PCDHA3: variants seen among roughly 807,000 people sequenced by gnomAD.
The protein encoded by PCDHA3 is protocadherin alpha-3.
In PCDHA3, 41 loss-of-function variants were observed where a neutral mutation model predicts 62.2. That is an observed-to-expected ratio of 0.66 (90% CI 0.51 to 0.86). The LOEUF (loss-of-function observed/expected upper bound fraction) is 0.86, where lower values mean the gene tolerates loss of function less well. Among genes scored for constraint, PCDHA3 ranks in the 40% least tolerant of loss-of-function variants. The pLI is 0.00. For synonymous variants in PCDHA3, 640 were observed against 555.4 expected (o/e 1.15, Z -2.14); for missense variants, 1,304 against 1,241.2 (o/e 1.05, Z -0.76).
At position 140,858,352 on chromosome 5, in the gene PCDHA3, G is replaced by T; in HGVS notation, c.2394+54761G>T. On this transcript the variant is annotated intron_variant, in intron 1 of 3. Coordinates refer to ENST00000522353, the MANE Select transcript of PCDHA3 (RefSeq NM_018906.3). ...AGGGCCTGCCCAAGGCGGACCTCATGGCCTTCAGCCCCAGCCTTCCACCAT... is the reference window on the plus strand; with the variant it reads ...AGGGCCTGCCCAAGGCGGACCTCATTGCCTTCAGCCCCAGCCTTCCACCAT... 1.3e-6 allele frequency: 2 copies of T among 1,593,948 alleles called. 1 individual carries two copies. Among genetic ancestry groups the T allele is most frequent in the Non-Finnish European group, 1.7e-6 (2 of 1,165,108 alleles).
chr5:140,829,708 C>G, intron 1 of PCDHA3: 1 of 1,613,376 alleles, frequency 6.2e-7, no homozygotes, highest in South Asian at 1.1e-5. Context: ...GCGCGCGCGA[C>G]GCGGGCGTGC....
chr5:140,857,483 T>G, intron 1 of PCDHA3: 1 of 1,598,450 alleles, frequency 6.3e-7, no homozygotes. Context: ...GGTGTCTGCG[T>G]GGGACGCGGA....
At chr5:140,883,041 G>A (rs2059417348) in intron 1 of PCDHA3, 1 of 1,613,960 alleles carries the variant, frequency 6.2e-7, no homozygotes, top group African/African-American at 1.3e-5. Context: ...GCCTTCAATG[G>A]AACATTAGTG....
intron 1 of PCDHA3, chr5:140,883,465 C>T: frequency 6.2e-7 from 1 of 1,614,156 alleles, no homozygotes; most frequent in South Asian, 1.1e-5. Context: ...AGCTGGTGTC[C>T]ACCTACAAGA....
chr5:140,822,397 C>T (rs113016935), intron 1 of PCDHA3: 2 of 1,613,862 alleles, frequency 1.2e-6, no homozygotes, highest in African/African-American at 2.7e-5. Context: ...ACAAGAACAC[C>T]GTTTATTAGT....
chr5:140,841,274 C>G, intron 1 of PCDHA3: 28 of 1,518,248 alleles, frequency 1.8e-5, no homozygotes, highest in Non-Finnish European at 1.7e-5. Flanking sequence ...TACAGTCGTT[C>G]ATCTTTATAT....
chr5:140,862,460 A>G (rs1554156366), intron 1 of PCDHA3: 2 of 368,076 alleles, frequency 5.4e-6, no homozygotes, highest in African/African-American at 2.1e-5. Context: ...CCCTGGACCA[A>G]GAGAGCAAAT....
intron 1 of PCDHA3, chr5:140,830,261 T>C (rs1554132677): frequency 1.2e-6 from 2 of 1,613,550 alleles, no homozygotes; most frequent in African/African-American, 1.3e-5. Flanking sequence ...GCTGCGGTGC[T>C]CGGCGCCACC....
intron 1 of PCDHA3, among the ~76,000 whole-genome samples, chr5:140,950,215 T>C (rs2094460409): frequency 6.6e-6 from 1 of 152,030 alleles, no homozygotes; most frequent in Non-Finnish European, 1.5e-5. Flanking sequence ...TACCTAGTCA[T>C]TTACCATTTC....
At chr5:140,848,906 A>G (rs2150424072) in intron 1 of PCDHA3, 1 of 1,608,234 alleles carries the variant, frequency 6.2e-7, no homozygotes, top group African/African-American at 1.4e-5. Flanking sequence ...CAGCGACACA[A>G]AAGAATCTGT....
intron 3 of PCDHA3, among the ~76,000 whole-genome samples, chr5:140,985,392 C>T (rs1329580146): frequency 6.6e-6 from 1 of 152,172 alleles, no homozygotes; most frequent in Non-Finnish European, 1.5e-5. Context: ...CCAGTCACCC[C>T]AACTGTTCCC....
chr5:140,822,562 C>T, intron 1 of PCDHA3: 2 of 1,613,262 alleles, frequency 1.2e-6, no homozygotes, highest in Non-Finnish European at 1.7e-6. Context: ...AGTTATTAAA[C>T]TGAACGCCTC....
chr5:140,941,828 A>T (rs2093176954), intron 1 of PCDHA3, among the ~76,000 whole-genome samples: 1 of 152,218 alleles, frequency 6.6e-6, no homozygotes, highest in Non-Finnish European at 1.5e-5. Flanking sequence ...TGCTGTAAAT[A>T]ATTTAGGCTG....
At chr5:140,863,232 G>C in intron 1 of PCDHA3, 1 of 1,230,740 alleles carries the variant, frequency 8.1e-7, no homozygotes, top group Non-Finnish European at 1.1e-6. Context: ...AGGTCCCATC[G>C]CGGGCTTTGG....
intron 3 of PCDHA3, among the ~76,000 whole-genome samples, chr5:141,000,691 G>A (rs1177204689): frequency 3.3e-5 from 5 of 151,460 alleles, no homozygotes; most frequent in African/African-American, 1.2e-4. Flanking sequence ...GCCTCCCAAA[G>A]TGCTGGGATT....
At chr5:140,821,679 C>T (rs2150110054) in intron 1 of PCDHA3, 709,926 of 1,321,150 alleles carry the variant, frequency 0.54, 193,036 homozygotes, top group African/African-American at 0.73. Flanking sequence ...CTCAGAAAGG[C>T]GATAATATAA....
At chr5:140,829,374 G>T in intron 1 of PCDHA3, 1 of 1,614,224 alleles carries the variant, frequency 6.2e-7, no homozygotes, top group East Asian at 2.2e-5. Context: ...GTAACCGCGC[G>T]GGACGGGGGC....
At chr5:140,870,099 C>T in intron 1 of PCDHA3, 8 of 1,613,912 alleles carry the variant, frequency 5.0e-6, no homozygotes, top group Non-Finnish European at 6.8e-6. Context: ...TGGCAGGTCA[C>T]TGTACAGTCT....
At chr5:140,896,551 A>G (rs1474890462) in intron 1 of PCDHA3, among the ~76,000 whole-genome samples, 1 of 139,892 alleles carries the variant, frequency 7.1e-6, no homozygotes, top group African/African-American at 2.6e-5. Context: ...TTTTTTTTGT[A>G]TTTTAAGTAG....
Sources: allele counts gnomAD v4.1 joint callset (sites outside exome capture counted in the v4.1 genomes callset), GRCh38; gene constraint gnomAD v4.1.1; transcripts MANE v1.5; gene names NCBI Gene and HGNC (gene_info 2026-07-23, HGNC 2026-07-21).